NRG1: variants seen among roughly 807,000 people sequenced by gnomAD.
NRG1 encodes the protein neuregulin 1, also known as pro-neuregulin-1, membrane-bound isoform.
Under a neutral mutation model 63.8 loss-of-function variants are expected in NRG1, and 18 were observed. That is an observed-to-expected ratio of 0.28 (90% CI 0.19 to 0.42). The LOEUF is 0.42. Ranked by LOEUF, NRG1 falls within the 10% of genes least tolerant of loss-of-function variation. The probability of loss-of-function intolerance (pLI) is 1.00; values close to 1 mark genes in which losing one functional copy is unlikely to be tolerated. For missense variants in NRG1, 762 were observed against 814.7 expected, an observed-to-expected ratio of 0.94 and a Z score of 0.79; for synonymous variants, 302 against 301.3, an observed-to-expected ratio of 1.00 and a Z score of -0.02.
intron 9 of NRG1, among the ~76,000 whole-genome samples, chr8:32,758,532 C>T (rs536571315): frequency 2.0e-4 from 23 of 115,466 alleles, no homozygotes; most frequent in African/African-American, 7.0e-4. Context: ...GCTGAGATTG[C>T]ACCACTGCTC....
At chr8:31,971,372 T>C (rs1807248055) in intron 1 of NRG1, among the ~76,000 whole-genome samples, 1 of 152,190 alleles carries the variant, frequency 6.6e-6, no homozygotes, top group African/African-American at 2.4e-5. Flanking sequence ...AATATTTTCA[T>C]TTTTTACATT....
intron 1 of NRG1, among the ~76,000 whole-genome samples, chr8:31,726,086 T>C (rs2131330073): frequency 1.3e-5 from 2 of 152,296 alleles, no homozygotes; most frequent in Middle Eastern, 6.8e-3. Flanking sequence ...GAACATCGAC[T>C]GTGCCTAACC....
intron 1 of NRG1, among the ~76,000 whole-genome samples, chr8:32,591,308 A>C (rs1842486540): frequency 6.6e-6 from 1 of 152,168 alleles, no homozygotes; most frequent in Non-Finnish European, 1.5e-5. Flanking sequence ...ACTATGTGCA[A>C]GAGAGAGAAA....
At position 31,942,456 on chromosome 8, in the gene NRG1, C is replaced by T. The variant is rs974433628; in HGVS notation, c.37+303025C>T. 9.9e-5 allele frequency among the ~76,000 whole-genome samples: 15 copies of T among 152,144 alleles called. 1 individual carries two copies. Among genetic ancestry groups the T allele is most frequent in the Middle Eastern group, 3.4e-3 (1 of 294 alleles). Reference sequence around the variant, plus strand: ...ATTTTAGAAGATAACATCAGAAAAACCCTTCTAGACATTGACTTAGGCAAA... The same window carrying T: ...ATTTTAGAAGATAACATCAGAAAAATCCTTCTAGACATTGACTTAGGCAAA... On this transcript the variant is annotated intron_variant, in intron 1 of 10. Coordinates refer to the NRG1 transcript ENST00000519301.
chr8:31,653,318 G>T (rs1563258523), intron 1 of NRG1, among the ~76,000 whole-genome samples: 1 of 151,992 alleles, frequency 6.6e-6, no homozygotes, highest in Non-Finnish European at 1.5e-5. Context: ...CCTCATGGAA[G>T]ATGTATTAGT....
chr8:32,046,835 C>G (rs934594631), intron 1 of NRG1, among the ~76,000 whole-genome samples: 2 of 151,858 alleles, frequency 1.3e-5, no homozygotes, highest in Admixed American at 1.3e-4. Context: ...GGAGCTGTTC[C>G]ACATCTTGAT....
chr8:32,222,847 AAC>A (rs1845967883), intron 1 of NRG1, among the ~76,000 whole-genome samples: 1 of 152,224 alleles, frequency 6.6e-6, no homozygotes, highest in Admixed American at 6.5e-5. Flanking sequence ...GACCAGCCAA[AAC>A]ACAGCTTCAC....
At chr8:32,445,716 A>G (rs534262782) in intron 1 of NRG1, among the ~76,000 whole-genome samples, 7 of 152,320 alleles carry the variant, frequency 4.6e-5, no homozygotes, top group East Asian at 1.9e-4. Context: ...TATGACAGCC[A>G]GAATTGTCAT....
At chr8:32,675,949 GACC>G (rs1158142410) in intron 5 of NRG1, among the ~76,000 whole-genome samples, 5 of 152,014 alleles carry the variant, frequency 3.3e-5, no homozygotes, top group Non-Finnish European at 7.4e-5. Flanking sequence ...CAATTCAAAT[GACC>G]ACAAATTGAG....
chr8:31,861,060 G>A (rs1828428573), intron 1 of NRG1, among the ~76,000 whole-genome samples: 1 of 152,162 alleles, frequency 6.6e-6, no homozygotes, highest in Non-Finnish European at 1.5e-5. Flanking sequence ...TGACCACACC[G>A]ATAGAGTGGT....
At chr8:31,964,289 T>C (rs1805959977) in intron 1 of NRG1, among the ~76,000 whole-genome samples, 1 of 152,174 alleles carries the variant, frequency 6.6e-6, no homozygotes, top group Non-Finnish European at 1.5e-5. Context: ...TCTAGGAAGA[T>C]ACAAGCAAGT....
chr8:32,228,332 C>A (rs760902909), intron 1 of NRG1, among the ~76,000 whole-genome samples: 1 of 152,256 alleles, frequency 6.6e-6, no homozygotes, highest in African/African-American at 2.4e-5. Flanking sequence ...GTAACAACAA[C>A]TTCAACTTAA....
At chr8:31,926,926 T>C (rs1317072473) in intron 1 of NRG1, among the ~76,000 whole-genome samples, 1 of 152,178 alleles carries the variant, frequency 6.6e-6, no homozygotes, top group Non-Finnish European at 1.5e-5. Context: ...GACCACTCTC[T>C]CCTCATGTGG....
chr8:32,679,044 C>G (rs1032031012), intron 5 of NRG1, among the ~76,000 whole-genome samples: 3 of 151,940 alleles, frequency 2.0e-5, no homozygotes, highest in African/African-American at 7.3e-5. Flanking sequence ...GTTCCAGCTA[C>G]TCACTAGGAG....
intron 1 of NRG1, among the ~76,000 whole-genome samples, chr8:31,801,142 C>A (rs893057854): frequency 2.0e-5 from 3 of 152,034 alleles, no homozygotes; most frequent in Non-Finnish European, 4.4e-5. Flanking sequence ...CCACCGTTCC[C>A]GGCCTCTCCA....
intron 1 of NRG1, among the ~76,000 whole-genome samples, chr8:32,308,091 G>A (rs938305788): frequency 6.6e-6 from 1 of 152,158 alleles, no homozygotes; most frequent in Non-Finnish European, 1.5e-5. Context: ...TCTTTCTAGG[G>A]TGTCTCTGTT....
intron 1 of NRG1, among the ~76,000 whole-genome samples, chr8:31,902,636 A>G (rs1230796652): frequency 1.3e-5 from 2 of 152,234 alleles, no homozygotes; most frequent in Non-Finnish European, 2.9e-5. Context: ...ACGTACTAAT[A>G]AAAATATATT....
At chr8:32,180,538 CTTA>C (rs2132099075) in intron 1 of NRG1, among the ~76,000 whole-genome samples, 1 of 152,168 alleles carries the variant, frequency 6.6e-6, no homozygotes. Context: ...GGGCTAATAA[CTTA>C]TTATTTCAGT....
intron 1 of NRG1, among the ~76,000 whole-genome samples, chr8:32,207,896 A>G (rs916241355): frequency 6.6e-6 from 1 of 152,210 alleles, no homozygotes; most frequent in African/African-American, 2.4e-5. Flanking sequence ...ACCAAGTTAA[A>G]TAGCAGACAT....
Sources: allele counts gnomAD v4.1 joint callset (sites outside exome capture counted in the v4.1 genomes callset), GRCh38; gene constraint gnomAD v4.1.1; transcripts MANE v1.5; gene names NCBI Gene and HGNC (gene_info 2026-07-23, HGNC 2026-07-21).